Variants in SH3PXD2A observed in about 807,000 individuals in gnomAD.
SH3PXD2A encodes SH3 and PX domain-containing protein 2A.
Under a neutral mutation model 115.2 loss-of-function variants are expected in SH3PXD2A, and 32 were observed. The ratio of observed to expected loss-of-function variants is 0.28; its 90% CI spans 0.21 to 0.37. SH3PXD2A has a LOEUF of 0.37. Ranked by LOEUF, SH3PXD2A falls within the 10% of genes least tolerant of loss-of-function variation. SH3PXD2A has a pLI of 1.00. For synonymous variants in SH3PXD2A, 610 were observed against 629.1 expected, an observed-to-expected ratio of 0.97 and a Z score of 0.45; for missense variants, 1,328 against 1,498.7, an observed-to-expected ratio of 0.89 and a Z score of 1.88.
chr10:103,691,386 C>A (rs889483279), intron 6 of SH3PXD2A, among the ~76,000 whole-genome samples: 12 of 152,104 alleles, frequency 7.9e-5, no homozygotes, highest in African/African-American at 2.9e-4. Context: ...TGAAACTTGC[C>A]TAAGGTCACA....
At chr10:103,697,260 T>G (rs904252861) in intron 5 of SH3PXD2A, among the ~76,000 whole-genome samples, 5 of 151,964 alleles carry the variant, frequency 3.3e-5, no homozygotes, top group Non-Finnish European at 7.4e-5. Flanking sequence ...CAATGTACAG[T>G]GTGTAGAAAG....
chr10:103,855,254 A>T lies in SH3PXD2A; in HGVS notation c.13T>A (p.Cys5Ser). Residue 5 changes from cysteine to serine, a missense_variant, in exon 1 of 15, where the codon TGC becomes AGC. Transcript: ENST00000369774. MLAYCVQDATVVDVE... is the reference protein window; with the variant it reads MLAYSVQDATVVDVE... ...TCCACCACGGTGGCATCCTGCACGC[A>T]GTAGGCGAGCATCTTCCCCCACAAA... 6.6e-7 allele frequency: 1 copy of T among 1,525,766 alleles called. No homozygotes were observed. The highest frequency in any genetic ancestry group is 8.8e-7 in the Non-Finnish European group (1 of 1,134,400). 94.5% of individuals were successfully genotyped at this position (1,525,766 alleles called of 1,614,324 possible).
chr10:103,827,312 C>T (rs74157356), intron 1 of SH3PXD2A, among the ~76,000 whole-genome samples: 47 of 152,290 alleles, frequency 3.1e-4, no homozygotes, highest in African/African-American at 1.1e-3. Context: ...GCCTGGAATG[C>T]CCACTCCCTC....
rs1481126428 is a variant in SH3PXD2A, at chr10:103,600,931, A to C, written c.*885T>G. Reference sequence around the variant, plus strand: ...AGGCCGACCACCCAGGCCCCCAAACAACCCCTAAAATAAGACGCAAACCAA... The same window carrying C: ...AGGCCGACCACCCAGGCCCCCAAACCACCCCTAAAATAAGACGCAAACCAA... On this transcript the variant is annotated 3_prime_UTR_variant, in exon 15 of 15. Coordinates refer to ENST00000369774, the MANE Select transcript of SH3PXD2A (RefSeq NM_001394015.1). The C allele has an allele frequency of 1.3e-5, 2 of 152,126 alleles. No individual in the cohort carries two copies. Among genetic ancestry groups the C allele is most frequent in the Non-Finnish European group, 2.9e-5 (2 of 68,020 alleles). The allele number at this position is 152,126 out of a possible 1,614,324, so 9.4% of individuals were successfully genotyped here. A position where few individuals can be genotyped will look rare whatever the true frequency, so the allele number is the denominator to read the frequency against.
intron 1 of SH3PXD2A, among the ~76,000 whole-genome samples, chr10:103,806,773 C>T (rs1021351439): frequency 6.6e-6 from 1 of 152,216 alleles, no homozygotes; most frequent in African/African-American, 2.4e-5. Context: ...AGATGGTAGG[C>T]GTCTATGAAG....
At chr10:103,837,286 C>A (rs2039554287) in intron 1 of SH3PXD2A, among the ~76,000 whole-genome samples, 1 of 152,236 alleles carries the variant, frequency 6.6e-6, no homozygotes. Context: ...GGACAGGCAG[C>A]CTGGTGTGGG....
intron 1 of SH3PXD2A, among the ~76,000 whole-genome samples, chr10:103,839,570 C>A (rs1412067563): frequency 1.3e-5 from 2 of 151,588 alleles, no homozygotes; most frequent in Admixed American, 6.6e-5. Flanking sequence ...GCCCCTCCCC[C>A]AAGGCCACAC....
chr10:103,854,767 G>T (rs1361041731), intron 1 of SH3PXD2A, among the ~76,000 whole-genome samples: 1 of 152,156 alleles, frequency 6.6e-6, no homozygotes, highest in African/African-American at 2.4e-5. Context: ...GGGAGGCAGG[G>T]CGCGAGGCTT....
At chr10:103,706,762 G>C (rs1446097461) in intron 5 of SH3PXD2A, among the ~76,000 whole-genome samples, 2 of 152,178 alleles carry the variant, frequency 1.3e-5, no homozygotes. Context: ...ATCCCTGCCT[G>C]GCAGGATAGG....
chr10:103,717,667 CTT>C (rs938660809), intron 5 of SH3PXD2A, among the ~76,000 whole-genome samples: 1 of 152,252 alleles, frequency 6.6e-6, no homozygotes, highest in Non-Finnish European at 1.5e-5. Context: ...GTTTCAAAGA[CTT>C]TTAGATTCCT....
intron 7 of SH3PXD2A, among the ~76,000 whole-genome samples, chr10:103,662,442 G>T (rs886245063): frequency 2.2e-5 from 3 of 137,966 alleles, no homozygotes; most frequent in South Asian, 4.8e-4. Context: ...GCCCAGGCCG[G>T]ACTGCGGACT....
At chr10:103,607,719 G>T (rs2036345769) in intron 13 of SH3PXD2A, among the ~76,000 whole-genome samples, 1 of 152,182 alleles carries the variant, frequency 6.6e-6, no homozygotes, top group Non-Finnish European at 1.5e-5. Flanking sequence ...AGGGGGGAAA[G>T]GTGGGGAAAA....
intron 1 of SH3PXD2A, among the ~76,000 whole-genome samples, chr10:103,821,270 G>A (rs1465362536): frequency 2.0e-5 from 3 of 149,486 alleles, no homozygotes; most frequent in Admixed American, 6.7e-5. Context: ...AGCCTCCCAA[G>A]TAGCTAATTT....
chr10:103,778,111 C>T (rs1589451072), intron 2 of SH3PXD2A, among the ~76,000 whole-genome samples: 1 of 151,992 alleles, frequency 6.6e-6, no homozygotes, highest in Admixed American at 6.6e-5. Context: ...AGGAGGATCA[C>T]GAGGTCAGGA....
intron 4 of SH3PXD2A, among the ~76,000 whole-genome samples, chr10:103,730,746 A>T (rs2038306312): frequency 6.6e-6 from 1 of 152,068 alleles, no homozygotes; most frequent in African/African-American, 2.4e-5. Context: ...CCTGTTTATT[A>T]GTGAAGACAC....
intron 6 of SH3PXD2A, among the ~76,000 whole-genome samples, chr10:103,681,289 G>GAC (rs2037604541): frequency 6.6e-6 from 1 of 152,106 alleles, no homozygotes; most frequent in Non-Finnish European, 1.5e-5. Flanking sequence ...CATCTCAGGA[G>GAC]ACAACTGAAT....
At chr10:103,708,771 C>T (rs1032680464) in intron 5 of SH3PXD2A, among the ~76,000 whole-genome samples, 3 of 152,180 alleles carry the variant, frequency 2.0e-5, no homozygotes, top group Non-Finnish European at 4.4e-5. Context: ...CTGTCTTGGG[C>T]AGCACAAAGT....
At chr10:103,739,575 G>C (rs2038421000) in intron 3 of SH3PXD2A, among the ~76,000 whole-genome samples, 1 of 152,156 alleles carries the variant, frequency 6.6e-6, no homozygotes, top group Admixed American at 6.5e-5. Flanking sequence ...GAGAGAAAAA[G>C]GAGGGGGAGG....
intron 1 of SH3PXD2A, among the ~76,000 whole-genome samples, chr10:103,853,377 A>C (rs1161962039): frequency 1.3e-5 from 2 of 152,262 alleles, no homozygotes. Flanking sequence ...ACTGCGTGCC[A>C]GGAACTGGGC....
Sources: allele counts gnomAD v4.1 joint callset (sites outside exome capture counted in the v4.1 genomes callset), GRCh38; gene constraint gnomAD v4.1.1; transcripts MANE v1.5; gene names NCBI Gene and HGNC (gene_info 2026-07-23, HGNC 2026-07-21).